Variants in GPNMB observed in about 807,000 individuals in gnomAD.
The protein encoded by GPNMB is glycoprotein nmb, also known as transmembrane glycoprotein NMB.
A neutral mutation model predicts 57.3 loss-of-function variants in GPNMB; 71 were observed. That is an observed-to-expected ratio of 1.24 (90% confidence interval 1.02 to 1.51). GPNMB has a LOEUF of 1.51. Among genes scored for constraint, GPNMB ranks in the 40% most tolerant of loss-of-function variants. GPNMB has a pLI of 0.00. For missense variants in GPNMB, 677 were observed against 691.9 expected (o/e 0.98, Z 0.24); for synonymous variants, 253 against 263.2 (o/e 0.96, Z 0.38).
intron 6 of GPNMB, among the ~76,000 whole-genome samples, chr7:23,265,827 C>T (rs111313190): frequency 6.6e-6 from 1 of 150,996 alleles, no homozygotes; most frequent in Non-Finnish European, 1.5e-5. Context: ...TGGTCTCAAA[C>T]AGCTAAAAAC....
In GPNMB at chr7:23,260,509, G is replaced by A. The variant is rs77513060; in HGVS notation, c.754G>A (p.Asp252Asn). 224 of 1,613,780 alleles carry A rather than the reference G, an allele frequency of 1.4e-4. No homozygotes were observed. In the East Asian group the frequency reaches 4.6e-3, roughly 33 times the overall value. ...MFQKNDRNSS[D>N]ETFLKDLPIM... is the part of the protein sequence containing the mutation. ...CCAGAAGAACGATCGAAATTCATCC[G>A]ACGAAACCTTCCTCAAAGATCTCCC... Residue 252 changes from aspartate to asparagine, a missense_variant, in exon 6 of 11, where the codon GAC becomes AAC. Asp to Asn is a conservative substitution (Grantham distance 23, BLOSUM62 1). Transcript: ENST00000258733.
chr7:23,260,428 T>G, intron 5 of GPNMB, 28 bp from the exon 6 acceptor site: 1 of 1,543,072 alleles, frequency 6.5e-7, no homozygotes, highest in Non-Finnish European at 8.9e-7. Flanking sequence ...CATGCATTCT[T>G]TATTTCTTTG....
At chr7:23,270,876 T>C (rs1783186867) in intron 9 of GPNMB, among the ~76,000 whole-genome samples, 1 of 152,208 alleles carries the variant, frequency 6.6e-6, no homozygotes, top group Non-Finnish European at 1.5e-5. Flanking sequence ...TCTACCCTAA[T>C]GGCCCTAGCT....
intron 6 of GPNMB, among the ~76,000 whole-genome samples, chr7:23,264,084 G>T (rs1782997680): frequency 7.1e-6 from 1 of 141,522 alleles, no homozygotes; most frequent in African/African-American, 2.8e-5. Context: ...TTTCAGACTT[G>T]TGAACAAATC....
intron 1 of GPNMB, among the ~76,000 whole-genome samples, chr7:23,250,100 A>G (rs1040978829): frequency 1.3e-5 from 2 of 152,188 alleles, no homozygotes; most frequent in East Asian, 3.8e-4. Context: ...ATTAATTTTT[A>G]CCAATTTTTC....
chr7:23,271,445 A>G (rs1443240347), intron 9 of GPNMB, among the ~76,000 whole-genome samples: 2 of 152,254 alleles, frequency 1.3e-5, no homozygotes, highest in East Asian at 3.8e-4. Context: ...CTCATAAGGT[A>G]ATATGTTCTT....
chr7:23,249,623 G>A (rs1782616582), intron 1 of GPNMB, among the ~76,000 whole-genome samples: 1 of 152,088 alleles, frequency 6.6e-6, no homozygotes, highest in African/African-American at 2.4e-5. Context: ...ATTTATTGAA[G>A]TAACTGCATC....
At chr7:23,267,554 A>G (rs1235073214) in intron 7 of GPNMB, among the ~76,000 whole-genome samples, 1 of 152,184 alleles carries the variant, frequency 6.6e-6, no homozygotes, top group African/African-American at 2.4e-5. Context: ...GTCCAAGTTC[A>G]AGGTACCAGC....
In GPNMB at chr7:23,274,277, G is replaced by A. The variant is rs1222311650; in HGVS notation, c.*53G>A. On this transcript the variant is annotated 3_prime_UTR_variant, in exon 11 of 11. Coordinates refer to ENST00000258733, the MANE Select transcript of GPNMB (RefSeq NM_002510.3). ...TTTCAGTGCCATTGATGTGAGATGT[G>A]CTGGAGTGGCTATTAACCTTTTTTT... 19 of 1,313,256 alleles carry A rather than the reference G, an allele frequency of 1.4e-5. No individual in the cohort carries two copies. The highest frequency in any genetic ancestry group is 2.1e-5 in the Non-Finnish European group (19 of 922,828). 81.4% of individuals were successfully genotyped at this position (1,313,256 alleles called of 1,614,324 possible). A position where few individuals can be genotyped will look rare whatever the true frequency, so the allele number is the denominator to read the frequency against.
At chr7:23,257,436 C>T (rs572386175) in intron 4 of GPNMB, 4 of 344,258 alleles carry the variant, frequency 1.2e-5, no homozygotes, top group South Asian at 3.5e-5. Flanking sequence ...CCTTGGAAGG[C>T]GGAGGCGGGT....
rs772762462 is a variant in GPNMB, at chr7:23,273,567, T to A, written c.1476T>A (p.Val492=). ...LRMANSALIS[V]GCLAIFVTVI... The stretch of plus-strand genomic sequence containing the variant: ...TGGCAAACAGTGCCCTGATCTCCGT[T>A]GGCTGCTTGGCCATATTTGTCACTG... Residue 492 remains valine, a synonymous_variant, in exon 10 of 11, where the codon GTT becomes GTA. Transcript: ENST00000258733. 1.7e-5 allele frequency: 27 copies of A among 1,613,912 alleles called. No individual in the cohort carries two copies. The highest frequency in any genetic ancestry group is 1.6e-4 in the Middle Eastern group (1 of 6,084).
At position 23,254,286 on chromosome 7, in the gene GPNMB, T is replaced by C. The variant is rs200768193; in HGVS notation, c.341T>C (p.Ile114Thr). ...RCQKEDANGN[I>T]VYEKNCRNEA... ...CAAAAGGAAGATGCCAATGGCAACA[T>C]AGTCTATGAGAAGAACTGCAGAAAT... The change falls in exon 3 of 11, where the codon ATA becomes ACA. Residue 114 changes from isoleucine (I) to threonine (T), a missense_variant. Transcript: ENST00000258733. 13 of 1,613,272 alleles carry C rather than the reference T, an allele frequency of 8.1e-6. No individual in the cohort carries two copies. Among genetic ancestry groups the C allele is most frequent in the Admixed American group, 1.7e-5 (1 of 59,994 alleles).
chr7:23,252,985 G>A (rs1782693280), intron 1 of GPNMB, among the ~76,000 whole-genome samples: 1 of 152,106 alleles, frequency 6.6e-6, no homozygotes, highest in South Asian at 2.1e-4. Context: ...AAGATTATTG[G>A]CATCAGTGTT....
rs746172677 is a variant in GPNMB at position 23,260,096 on chromosome 7, T to G, written c.658T>G (p.Tyr220Asp). The change falls in exon 5 of 11, where the codon TAT becomes GAT. Residue 220 changes from tyrosine (Y) to aspartate (D), a missense_variant. Physicochemically the swap from Tyr to Asp is radical, Grantham distance 160 (BLOSUM62 -3). Transcript: ENST00000258733. The part of the protein sequence containing the change: ...VTVYRRHGRA[Y>D]VPIAQVKDVY... ...TGTCTACAGAAGACATGGACGGGCA[T>G]ATGTTCCCATCGCACAAGTGAAAGA... 1.9e-6 allele frequency: 3 copies of G among 1,613,976 alleles called. No individual in the cohort carries two copies. In the East Asian group the frequency reaches 6.7e-5, roughly 36 times the overall value.
At chr7:23,262,622 T>TTC (rs1782953737) in intron 6 of GPNMB, among the ~76,000 whole-genome samples, 1 of 128,768 alleles carries the variant, frequency 7.8e-6, no homozygotes, top group Non-Finnish European at 1.6e-5. Context: ...TTTTTTTTTT[T>TTC]TTTTTTTTTT....
Position 23,248,964 on chromosome 7 carries a change from T to C in GPNMB, c.70+2037T>C, listed in dbSNP as rs563522853. Among the ~76,000 whole-genome samples the C allele has an allele frequency of 2.3e-3, 343 of 152,280 alleles. 1 individual carries two copies. Among genetic ancestry groups the C allele is most frequent in the Non-Finnish European group, 3.6e-3 (246 of 68,008 alleles). On this transcript the variant is annotated intron_variant, in intron 1 of 10. Coordinates refer to ENST00000258733, the MANE Select transcript of GPNMB (RefSeq NM_002510.3). ...ACACCCAGATAATTTTTGTATTTTTTGTAGAAATGGGATCTTACTACATTG... is the reference window on the plus strand; with the variant it reads ...ACACCCAGATAATTTTTGTATTTTTCGTAGAAATGGGATCTTACTACATTG...
chr7:23,246,872 CT>C lies in GPNMB; in HGVS notation c.16del (p.Tyr6IlefsTer33), dbSNP rs1562629209. On this transcript the variant is annotated frameshift_variant, in exon 1 of 11. Transcript: ENST00000258733. LOFTEE classifies it high-confidence loss of function. The stretch of plus-strand genomic sequence containing the variant: ...GAGAATTCAGCATGGAATGTCTCTA[CT>C]ATTTCCTGGGATTTCTGCTCCTGGC... Reference protein sequence around the residue: MECLYYFLGFLLLAAR... With the variant: MECLYXFLGFLLLAAR... The C allele has an allele frequency of 6.2e-7, 1 of 1,613,622 alleles. No homozygotes were observed. Among genetic ancestry groups the C allele is most frequent in the East Asian group, 2.2e-5 (1 of 44,898 alleles).
chr7:23,266,335 A>G, intron 6 of GPNMB, 182 bp from the exon 7 acceptor site: 1 of 603,208 alleles, frequency 1.7e-6, no homozygotes, highest in East Asian at 2.8e-5. Context: ...AATACCTTAT[A>G]GCTCTCACAT....
Position 23,274,193 on chromosome 7 carries a change from T to G in GPNMB, c.1652T>G (p.Leu551Arg). 1 of 1,613,258 alleles carries G rather than the reference T, an allele frequency of 6.2e-7. No individual in the cohort carries two copies. Among genetic ancestry groups the G allele is most frequent in the Non-Finnish European group, 8.5e-7 (1 of 1,179,800 alleles). ...FPGNQEKDPLLKNQEFKGVS is the reference protein window; with the variant it reads ...FPGNQEKDPLRKNQEFKGVS ...GGAAACCAGGAAAAGGATCCGCTACTCAAAAACCAAGAATTTAAAGGAGTT... is the reference window on the plus strand; with the variant it reads ...GGAAACCAGGAAAAGGATCCGCTACGCAAAAACCAAGAATTTAAAGGAGTT... Residue 551 changes from leucine (L) to arginine (R), a missense_variant, in exon 11 of 11, where the codon CTC (leucine) becomes CGC (arginine). Coordinates refer to ENST00000258733, the MANE Select transcript of GPNMB (RefSeq NM_002510.3).
Sources: allele counts gnomAD v4.1 joint callset (sites outside exome capture counted in the v4.1 genomes callset), GRCh38; gene constraint gnomAD v4.1.1; transcripts MANE v1.5; gene names NCBI Gene and HGNC (gene_info 2026-07-23, HGNC 2026-07-21).